PCDH15: variants seen among roughly 807,000 people sequenced by gnomAD.
PCDH15 encodes protocadherin related 15, also known as protocadherin-15.
PCDH15 carries 129 observed loss-of-function variants against 178.5 expected under a neutral mutation model. The observed-to-expected ratio is 0.72, with a 90% CI of 0.63 to 0.84. The LOEUF (loss-of-function observed/expected upper bound fraction) is 0.84. PCDH15 is among the 40% of genes least tolerant of loss of function. The pLI is 0.00. For synonymous variants in PCDH15, 800 were observed against 732.0 expected (o/e 1.09, Z -1.50); for missense variants, 2,230 against 2,099.9 (o/e 1.06, Z -1.21).
Position 55,306,703 on chromosome 10 carries a change from T to C in PCDH15, c.-156+12896A>G, listed in dbSNP as rs548689137. ...TAGAACTCTAATAAGAGATGCTTAT[T>C]GATTGCCACAGGGGCAGAGTAAAGT... On this transcript the variant is annotated intron_variant, in intron 1 of 5. Transcript: ENST00000458638. Among the ~76,000 whole-genome samples the C allele has an allele frequency of 1.4e-4, 22 of 152,330 alleles. No individual in the cohort carries two copies. In the South Asian group the frequency reaches 4.6e-3, roughly 32 times the overall value.
intron 27 of PCDH15, among the ~76,000 whole-genome samples, chr10:53,862,222 T>C (rs2079151764): frequency 6.6e-6 from 1 of 152,062 alleles, no homozygotes; most frequent in Admixed American, 6.6e-5. Flanking sequence ...TGGCTAATTT[T>C]GAATTTTTAA....
At chr10:54,561,736 G>C (rs1442442676) in intron 2 of PCDH15, among the ~76,000 whole-genome samples, 1 of 151,794 alleles carries the variant, frequency 6.6e-6, no homozygotes, top group Non-Finnish European at 1.5e-5. Context: ...TAACTGGTTT[G>C]ATATTTGTTT....
At chr10:55,616,317 A>G (rs1408637528) in intron 2 of PCDH15, among the ~76,000 whole-genome samples, 1 of 152,174 alleles carries the variant, frequency 6.6e-6, no homozygotes, top group African/African-American at 2.4e-5. Flanking sequence ...TATTGGTAAA[A>G]CAATTGTATG....
intron 2 of PCDH15, among the ~76,000 whole-genome samples, chr10:54,550,306 G>A (rs1340965973): frequency 6.6e-6 from 1 of 152,088 alleles, no homozygotes; most frequent in African/African-American, 2.4e-5. Flanking sequence ...CTTCCACTAT[G>A]CAACCTCTCT....
chr10:54,854,003 G>C (rs191490405), intron 3 of PCDH15, among the ~76,000 whole-genome samples: 44 of 152,318 alleles, frequency 2.9e-4, no homozygotes, highest in African/African-American at 1.0e-3. Flanking sequence ...CTACCAGCCT[G>C]GGTCCCATGC....
At chr10:54,979,069 G>T (rs149187700) in intron 2 of PCDH15, among the ~76,000 whole-genome samples, 2 of 152,170 alleles carry the variant, frequency 1.3e-5, no homozygotes, top group African/African-American at 2.4e-5. Context: ...GAAGAAACAG[G>T]TGCAGAGAGA....
At chr10:54,366,815 A>T (rs1946888437) in intron 5 of PCDH15, among the ~76,000 whole-genome samples, 1 of 152,058 alleles carries the variant, frequency 6.6e-6, no homozygotes, top group African/African-American at 2.4e-5. Context: ...AAACCATAGA[A>T]GATATGACCA....
chr10:54,612,424 G>T (rs2092992653), intron 2 of PCDH15, among the ~76,000 whole-genome samples: 1 of 151,618 alleles, frequency 6.6e-6, no homozygotes. Flanking sequence ...TCTTTGCATT[G>T]TTAAACTTAA....
rs543681147 is a variant in PCDH15 at position 53,984,719 on chromosome 10, C to A, written c.2868+10930G>T. 3.3e-5 allele frequency among the ~76,000 whole-genome samples: 5 copies of A among 152,230 alleles called. No homozygotes were observed. The South Asian group carries it at 1.0e-3, about 32-fold the overall frequency. On this transcript the variant is annotated intron_variant, in intron 21 of 37. Transcript: ENST00000644397. ...GGCATATTTGTTTATTCATTTCTTT[C>A]TCTTCTTTTATTCTCATACCTGTTT...
At chr10:55,155,488 CAA>C (rs33986131) in intron 2 of PCDH15, among the ~76,000 whole-genome samples, 6 of 116,012 alleles carry the variant, frequency 5.2e-5, no homozygotes, top group Non-Finnish European at 6.8e-5. Flanking sequence ...GCAACCAATG[CAA>C]AAAAAAAAAA....
At chr10:54,776,493 C>A (rs948988804) in intron 1 of PCDH15, among the ~76,000 whole-genome samples, 1 of 151,558 alleles carries the variant, frequency 6.6e-6, no homozygotes, top group Admixed American at 6.6e-5. Context: ...TTAAGCTTAC[C>A]CTCTAATTAG....
At chr10:55,543,211 G>A (rs1037783427) in intron 2 of PCDH15, among the ~76,000 whole-genome samples, 1 of 150,446 alleles carries the variant, frequency 6.6e-6, no homozygotes, top group Non-Finnish European at 1.5e-5. Context: ...ATATATTTGT[G>A]TATACACATA....
rs533307587 is a variant in PCDH15, at chr10:55,140,538, C to A, written c.-80+26038G>T. Reference sequence around the variant, plus strand: ...ATTTGCACGTATTGAACTAGCCTTACATTCATGACATACTGTTAAGAAGTT... The same window carrying A: ...ATTTGCACGTATTGAACTAGCCTTAAATTCATGACATACTGTTAAGAAGTT... On this transcript the variant is annotated intron_variant, in intron 2 of 5. Coordinates refer to the PCDH15 transcript ENST00000458638. 1.6e-3 allele frequency among the ~76,000 whole-genome samples: 245 copies of A among 152,014 alleles called. 1 individual carries two copies. Among genetic ancestry groups the A allele is most frequent in the African/African-American group, 5.8e-3 (239 of 41,522 alleles).
intron 8 of PCDH15, among the ~76,000 whole-genome samples, chr10:54,278,155 TTA>T (rs1332524163): frequency 6.6e-6 from 1 of 151,612 alleles, no homozygotes; most frequent in South Asian, 2.1e-4. Context: ...GTAAATTTTT[TTA>T]TGTGTTAACT....
intron 2 of PCDH15, among the ~76,000 whole-genome samples, chr10:54,993,598 A>T (rs1839563780): frequency 6.6e-6 from 1 of 152,118 alleles, no homozygotes; most frequent in African/African-American, 2.4e-5. Context: ...ACTGAATTTG[A>T]GTAGCTGATG....
chr10:54,600,437 A>C, intron 2 of PCDH15: 1 of 578,708 alleles, frequency 1.7e-6, no homozygotes, highest in South Asian at 1.4e-5. Flanking sequence ...AATGACCTAG[A>C]CTTAAGCCCA....
chr10:53,911,355 G>A (rs748347571), intron 25 of PCDH15, among the ~76,000 whole-genome samples: 189 of 152,236 alleles, frequency 1.2e-3, no homozygotes, highest in Non-Finnish European at 2.1e-3. Flanking sequence ...GCTCCTGAAC[G>A]ACTACTGGGT....
At chr10:54,560,149 T>A (rs1007314785) in intron 2 of PCDH15, among the ~76,000 whole-genome samples, 4 of 152,098 alleles carry the variant, frequency 2.6e-5, no homozygotes, top group African/African-American at 9.7e-5. Context: ...TCTCTAGGCT[T>A]CTGCTTTAGT....
intron 11 of PCDH15, among the ~76,000 whole-genome samples, chr10:54,188,518 C>T (rs1289425949): frequency 6.6e-6 from 1 of 151,606 alleles, no homozygotes; most frequent in Non-Finnish European, 1.5e-5. Context: ...TTATTTTACC[C>T]TAAAATATCC....
Sources: gnomAD v4.1 joint callset for allele counts (sites outside exome capture counted in the v4.1 genomes callset) on GRCh38, gnomAD v4.1.1 for gene constraint, MANE v1.5 for transcripts, NCBI Gene and HGNC (gene_info 2026-07-23, HGNC 2026-07-21) for gene names.